FAM222A: variants seen among roughly 807,000 people sequenced by gnomAD.
FAM222A encodes protein FAM222A.
A neutral mutation model predicts 25.8 loss-of-function variants in FAM222A; 7 were observed. The ratio of observed to expected loss-of-function variants is 0.27; its 90% CI spans 0.15 to 0.51. The LOEUF (loss-of-function observed/expected upper bound fraction) is 0.51, where lower values mean the gene tolerates loss of function less well. Ranked by LOEUF, FAM222A falls within the 20% of genes least tolerant of loss-of-function variation. FAM222A has a pLI of 0.97. For missense variants in FAM222A, 573 were observed against 640.5 expected, an observed-to-expected ratio of 0.89 and a Z score of 1.14; for synonymous variants, 294 against 298.8, an observed-to-expected ratio of 0.98 and a Z score of 0.17.
intron 2 of FAM222A, among the ~76,000 whole-genome samples, chr12:109,761,799 CCTGGGGGGT>C (rs1888905340): frequency 6.6e-6 from 1 of 152,138 alleles, no homozygotes; most frequent in African/African-American, 2.4e-5. Context: ...CAGCCAGCAG[CCTGGGGGGT>C]CGTAGGAAGA....
Position 109,769,700 on chromosome 12 carries a change from C to T in FAM222A, c.*412C>T, listed in dbSNP as rs1346002797. 2 of 208,128 alleles carry T rather than the reference C, an allele frequency of 9.6e-6. No homozygotes were observed. The highest frequency in any genetic ancestry group is 4.6e-5 in the African/African-American group (2 of 43,052). The allele number at this position is 208,128 out of a possible 1,614,324, so 12.9% of individuals were successfully genotyped here. On this transcript the variant is annotated 3_prime_UTR_variant, in exon 3 of 3. Transcript: ENST00000538780. ...CAGGGTGGGGGCAGGGCAGCCCCCC[C>T]AGGGGTCAGGCAGCTGTGTCTCCCC... is the stretch of plus-strand genomic sequence containing the variant.
At chr12:109,753,735 C>G (rs1438200065) in intron 2 of FAM222A, among the ~76,000 whole-genome samples, 1 of 150,106 alleles carries the variant, frequency 6.7e-6, no homozygotes, top group African/African-American at 2.5e-5. Context: ...ACCCTCAGGA[C>G]GCCGACAGGC....
chr12:109,764,394 T>C (rs1888985139), intron 2 of FAM222A, among the ~76,000 whole-genome samples: 1 of 152,148 alleles, frequency 6.6e-6, no homozygotes, highest in African/African-American at 2.4e-5. Flanking sequence ...GAATGGGGAC[T>C]AGGAACAGGC....
At chr12:109,715,900 A>G (rs1043829906) in intron 1 of FAM222A, among the ~76,000 whole-genome samples, 3 of 152,136 alleles carry the variant, frequency 2.0e-5, no homozygotes, top group African/African-American at 4.8e-5. Context: ...TCTGCTGGGG[A>G]AAATGTGGGT....
chr12:109,769,297 C>CTGCGGACA lies in FAM222A; in HGVS notation c.*11_*18dup, dbSNP rs769751906. ...TACCCGTCTACAGATAAGGCCTGCC[C>CTGCGGACA]TGCGGACATACGGACATGCGGACAG... On this transcript the variant is annotated 3_prime_UTR_variant, in exon 3 of 3. Coordinates refer to ENST00000538780, the MANE Select transcript of FAM222A (RefSeq NM_032829.3). 3.6e-4 allele frequency: 577 copies of CTGCGGACA among 1,602,346 alleles called. 1 individual carries two copies. Among genetic ancestry groups the CTGCGGACA allele is most frequent in the South Asian group, 4.6e-4 (41 of 89,282 alleles).
In FAM222A at chr12:109,759,184, C is replaced by G. The variant is rs368569163; in HGVS notation, c.83-8828C>G. Among the ~76,000 whole-genome samples the G allele has an allele frequency of 2.7e-4, 41 of 152,332 alleles. No individual in the cohort carries two copies. In the East Asian group the frequency reaches 6.8e-3, roughly 25 times the overall value. ...TGACTGCCACTCCCAGCTCCTTGGA[C>G]AGGCGACTTGCCCTCTCCAAGCCTC... On this transcript the variant is annotated intron_variant, in intron 2 of 2. Coordinates refer to ENST00000538780, the MANE Select transcript of FAM222A (RefSeq NM_032829.3).
chr12:109,767,343 C>T (rs546205167), intron 2 of FAM222A, among the ~76,000 whole-genome samples: 5 of 152,170 alleles, frequency 3.3e-5, no homozygotes, highest in Admixed American at 1.3e-4. Context: ...GCCTGGCCAA[C>T]GTGGCGCAAC....
chr12:109,726,046 G>T (rs1175323408), intron 1 of FAM222A, among the ~76,000 whole-genome samples: 1 of 150,568 alleles, frequency 6.6e-6, no homozygotes, highest in Non-Finnish European at 1.5e-5. Context: ...CAGGCTGCTG[G>T]CCTGGGCCTC....
At position 109,768,751 on chromosome 12, in the gene FAM222A, G is replaced by A; in HGVS notation, c.822G>A (p.Lys274=). The change falls in exon 3 of 3, where the codon AAG becomes AAA. Residue 274 remains lysine (K), a synonymous_variant. Transcript: ENST00000538780. ...TQALTLAGAA[K]PAGYADSGLD... ...CCTTGACGTTGGCTGGGGCCGCCAA[G>A]CCTGCAGGGTACGCAGACAGCGGCC... The A allele has an allele frequency of 6.3e-7, 1 of 1,581,958 alleles. No homozygotes were observed. The highest frequency in any genetic ancestry group is 8.6e-7 in the Non-Finnish European group (1 of 1,168,948).
intron 1 of FAM222A, among the ~76,000 whole-genome samples, chr12:109,735,273 G>C (rs935518195): frequency 6.6e-6 from 1 of 152,180 alleles, no homozygotes; most frequent in African/African-American, 2.4e-5. Flanking sequence ...AACCTCTTCC[G>C]TGGGGCTTTC....
chr12:109,769,458 G>C lies in FAM222A; in HGVS notation c.*170G>C, dbSNP rs369362505. 6.1e-6 allele frequency: 5 copies of C among 823,502 alleles called. No individual in the cohort carries two copies. The highest frequency in any genetic ancestry group is 3.4e-5 in the African/African-American group (2 of 58,046). The allele number at this position is 823,502 out of a possible 1,614,324, so 51.0% of individuals were successfully genotyped here. A position where few individuals can be genotyped will look rare whatever the true frequency, so the allele number is the denominator to read the frequency against. Reference sequence around the variant, plus strand: ...CGCTGTGGCCGGATGGAGGGTGGCAGGGCAACCTCACATACCAAGGCCCCT... The same window carrying C: ...CGCTGTGGCCGGATGGAGGGTGGCACGGCAACCTCACATACCAAGGCCCCT... On this transcript the variant is annotated 3_prime_UTR_variant, in exon 3 of 3. Transcript: ENST00000538780.
At chr12:109,763,037 G>A (rs964675841) in intron 2 of FAM222A, among the ~76,000 whole-genome samples, 1 of 152,234 alleles carries the variant, frequency 6.6e-6, no homozygotes, top group African/African-American at 2.4e-5. Context: ...GGGCAGGTGT[G>A]AGAGCTGCCT....
chr12:109,733,160 A>T (rs1219007335), intron 1 of FAM222A, among the ~76,000 whole-genome samples: 1 of 152,176 alleles, frequency 6.6e-6, no homozygotes, highest in Non-Finnish European at 1.5e-5. Flanking sequence ...TGCACTGTCC[A>T]CAGGTGGCAT....
chr12:109,769,384 C>T lies in FAM222A; in HGVS notation c.*96C>T, dbSNP rs1437546553. 3.6e-6 allele frequency: 5 copies of T among 1,393,396 alleles called. No homozygotes were observed. In the East Asian group the frequency reaches 1.0e-4, roughly 28 times the overall value. The allele number at this position is 1,393,396 out of a possible 1,614,324, so 86.3% of individuals were successfully genotyped here. On this transcript the variant is annotated 3_prime_UTR_variant, in exon 3 of 3. Coordinates refer to ENST00000538780, the MANE Select transcript of FAM222A (RefSeq NM_032829.3). Reference sequence around the variant, plus strand: ...GGCGGCTCGCAGGGGCGCTCAGCCCCACCCTGTGCCTGCTGATGCCCACAG... The same window carrying T: ...GGCGGCTCGCAGGGGCGCTCAGCCCTACCCTGTGCCTGCTGATGCCCACAG...
intron 2 of FAM222A, among the ~76,000 whole-genome samples, chr12:109,758,637 G>A (rs1169092431): frequency 4.0e-5 from 6 of 151,336 alleles, no homozygotes; most frequent in African/African-American, 9.7e-5. Context: ...TAGCCCAGCC[G>A]CCGTCCCTGC....
chr12:109,750,278 C>G (rs1051288785), intron 2 of FAM222A, among the ~76,000 whole-genome samples: 11 of 152,138 alleles, frequency 7.2e-5, no homozygotes, highest in African/African-American at 2.2e-4. Flanking sequence ...GATTTTTTCT[C>G]TCCACAACAT....
chr12:109,747,723 C>G (rs1888442649), intron 2 of FAM222A, among the ~76,000 whole-genome samples: 1 of 152,082 alleles, frequency 6.6e-6, no homozygotes, highest in African/African-American at 2.4e-5. Context: ...TTTTAGCTAG[C>G]CTTTTCTTCC....
At chr12:109,732,141 G>A (rs1269119842) in intron 1 of FAM222A, among the ~76,000 whole-genome samples, 1 of 152,196 alleles carries the variant, frequency 6.6e-6, no homozygotes, top group Non-Finnish European at 1.5e-5. Flanking sequence ...GGCAAGGGCC[G>A]CTTTCAGTGG....
At chr12:109,755,925 C>G (rs562653560) in intron 2 of FAM222A, among the ~76,000 whole-genome samples, 2 of 152,354 alleles carry the variant, frequency 1.3e-5, no homozygotes, top group East Asian at 3.9e-4. Context: ...ACTTTGTCCT[C>G]TTCCTTCAAG....
Sources: gnomAD v4.1 joint callset for allele counts (sites outside exome capture counted in the v4.1 genomes callset) on GRCh38, gnomAD v4.1.1 for gene constraint, MANE v1.5 for transcripts, NCBI Gene and HGNC (gene_info 2026-07-23, HGNC 2026-07-21) for gene names.